The following PGCKA1 variants were observed in gnomAD, a reference collection of about 807,000 sequenced individuals.
The protein encoded by PGCKA1 is PDCD10 and GCKIII kinases associated 1, also known as PDCD10 and GCKIII kinases-associated protein 1.
chr4:37,471,540 A>G, the PGCKA1 span, among the ~76,000 whole-genome samples: 1 of 152,168 alleles, frequency 6.6e-6, no homozygotes, highest in Non-Finnish European at 1.5e-5. Context: ...ATACTCTGGG[A>G]TGGTCAGGAT....
chr4:37,591,290 C>T, the PGCKA1 span: 12 of 300,600 alleles, frequency 4.0e-5, no homozygotes, highest in African/African-American at 2.6e-4. Flanking sequence ...GCTTGCTTGA[C>T]AACCCTCAAA....
chr4:37,556,360 G>A, the PGCKA1 span, among the ~76,000 whole-genome samples: 6 of 151,864 alleles, frequency 4.0e-5, no homozygotes, highest in South Asian at 1.0e-3. Flanking sequence ...CTCTGTCCCC[G>A]GGGTTCAAGC....
the PGCKA1 span, among the ~76,000 whole-genome samples, chr4:37,586,428 T>G: frequency 2.6e-5 from 4 of 152,012 alleles, no homozygotes; most frequent in African/African-American, 9.7e-5. Flanking sequence ...TGAAGAAGGG[T>G]GGAGCACGGT....
the PGCKA1 span, among the ~76,000 whole-genome samples, chr4:37,509,549 C>T: frequency 8.5e-5 from 13 of 152,082 alleles, no homozygotes; most frequent in South Asian, 2.5e-3. Context: ...ATCCTCACTT[C>T]CCAGACGGGG....
the PGCKA1 span, among the ~76,000 whole-genome samples, chr4:37,546,948 A>G: frequency 6.6e-6 from 1 of 151,972 alleles, no homozygotes; most frequent in African/African-American, 2.4e-5. Context: ...GAACTTGCCC[A>G]CTCCATTTGA....
the PGCKA1 span, among the ~76,000 whole-genome samples, chr4:37,463,735 T>A: frequency 2.0e-5 from 3 of 152,028 alleles, no homozygotes; most frequent in African/African-American, 7.3e-5. Flanking sequence ...AGTTGTTTTC[T>A]TAATACCCTC....
the PGCKA1 span, among the ~76,000 whole-genome samples, chr4:37,563,160 T>C: frequency 8.0e-6 from 1 of 124,684 alleles, no homozygotes; most frequent in Non-Finnish European, 1.8e-5. Flanking sequence ...TTGGGTGGGA[T>C]AACTTCTAAG....
chr4:37,511,278 C>T, the PGCKA1 span, among the ~76,000 whole-genome samples: 1 of 152,094 alleles, frequency 6.6e-6, no homozygotes, highest in Admixed American at 6.5e-5. Context: ...AGGAGTCTCT[C>T]CCCAAAGCCA....
chr4:37,517,313 A>G, the PGCKA1 span, among the ~76,000 whole-genome samples: 1 of 146,576 alleles, frequency 6.8e-6, no homozygotes, highest in South Asian at 2.1e-4. Context: ...ATATAAATAT[A>G]TATATAGAGA....
At chr4:37,577,610 G>A in the PGCKA1 span, among the ~76,000 whole-genome samples, 5 of 151,922 alleles carry the variant, frequency 3.3e-5, no homozygotes, top group East Asian at 9.7e-4. Flanking sequence ...TTGGTTTACT[G>A]TTGCTTCTCT....
chr4:37,538,787 C>G, the PGCKA1 span, among the ~76,000 whole-genome samples: 1 of 152,078 alleles, frequency 6.6e-6, no homozygotes, highest in African/African-American at 2.4e-5. Flanking sequence ...TACTTCACAA[C>G]AGAAAAATAG....
At chr4:37,558,394 G>T in the PGCKA1 span, among the ~76,000 whole-genome samples, 1 of 152,058 alleles carries the variant, frequency 6.6e-6, no homozygotes, top group Admixed American at 6.6e-5. Flanking sequence ...AGCTTCTCCC[G>T]TAATGTCCAT....
the PGCKA1 span, among the ~76,000 whole-genome samples, chr4:37,532,253 A>G: frequency 1.3e-5 from 2 of 152,228 alleles, no homozygotes; most frequent in Non-Finnish European, 2.9e-5. Flanking sequence ...GAAAAAGGAA[A>G]TTTTTCTTCC....
chr4:37,472,647 T>C, the PGCKA1 span, among the ~76,000 whole-genome samples: 2 of 152,216 alleles, frequency 1.3e-5, no homozygotes, highest in South Asian at 4.1e-4. Context: ...CTAATGGTCA[T>C]ATTTCACCCC....
chr4:37,514,729 G>A, the PGCKA1 span, among the ~76,000 whole-genome samples: 3 of 152,172 alleles, frequency 2.0e-5, no homozygotes, highest in Admixed American at 6.5e-5. Context: ...ATTCAGGCAG[G>A]ACTTATAGGT....
the PGCKA1 span, among the ~76,000 whole-genome samples, chr4:37,541,858 G>T: frequency 6.6e-6 from 1 of 152,126 alleles, no homozygotes; most frequent in Admixed American, 6.5e-5. Flanking sequence ...ATGAGACATG[G>T]GGCTTATTTG....
the PGCKA1 span, among the ~76,000 whole-genome samples, chr4:37,557,586 G>T: frequency 6.6e-6 from 1 of 152,158 alleles, no homozygotes; most frequent in Non-Finnish European, 1.5e-5. Context: ...TAATGGCACT[G>T]ATTTTATCCC....
At chr4:37,543,051 C>G in the PGCKA1 span, among the ~76,000 whole-genome samples, 1 of 152,216 alleles carries the variant, frequency 6.6e-6, no homozygotes, top group Non-Finnish European at 1.5e-5. Flanking sequence ...TCTCTTATGA[C>G]TAGACTGGTC....
the PGCKA1 span, among the ~76,000 whole-genome samples, chr4:37,503,558 G>T: frequency 7.6e-4 from 115 of 152,240 alleles, 1 homozygote; most frequent in African/African-American, 2.6e-3. Flanking sequence ...TATAGTGGTT[G>T]TACTAGTTTA....
Sources: gnomAD v4.1 joint callset for allele counts (sites outside exome capture counted in the v4.1 genomes callset) on GRCh38, gnomAD v4.1.1 for gene constraint, MANE v1.5 for transcripts, NCBI Gene and HGNC (gene_info 2026-07-23, HGNC 2026-07-21) for gene names.